APBB2: variants seen among roughly 807,000 people sequenced by gnomAD.
APBB2 encodes Fe65-like 1.
APBB2 carries 38 observed loss-of-function variants against 82.5 expected under a neutral mutation model. That is an observed-to-expected ratio of 0.46 (90% CI 0.36 to 0.60). The LOEUF is 0.60. Among genes scored for constraint, APBB2 ranks in the 20% least tolerant of loss-of-function variants. The pLI is 0.00. For missense variants in APBB2, 772 were observed against 972.3 expected, an observed-to-expected ratio of 0.79 and a Z score of 2.74; for synonymous variants, 341 against 368.2, an observed-to-expected ratio of 0.93 and a Z score of 0.85.
chr4:41,188,745 C>T (rs909254112), intron 1 of APBB2, among the ~76,000 whole-genome samples: 2 of 152,050 alleles, frequency 1.3e-5, no homozygotes, highest in Non-Finnish European at 2.9e-5. Flanking sequence ...CAGTTCTAAC[C>T]GGGTTAAAAG....
At chr4:41,161,582 G>C (rs1765182325) in intron 1 of APBB2, among the ~76,000 whole-genome samples, 1 of 152,044 alleles carries the variant, frequency 6.6e-6, no homozygotes, top group Non-Finnish European at 1.5e-5. Flanking sequence ...CTCCAGCCTG[G>C]GTGACAAAGC....
At chr4:41,165,829 G>A (rs1042373868) in intron 1 of APBB2, among the ~76,000 whole-genome samples, 7 of 150,522 alleles carry the variant, frequency 4.7e-5, no homozygotes, top group African/African-American at 1.2e-4. Flanking sequence ...CCACCTGCTC[G>A]CTTCCTCCCC....
chr4:41,128,745 C>T (rs1357858062), intron 2 of APBB2, among the ~76,000 whole-genome samples: 4 of 152,206 alleles, frequency 2.6e-5, no homozygotes, highest in African/African-American at 9.6e-5. Context: ...CACATCACTT[C>T]CCCTACTGTC....
At chr4:40,940,245 G>A (rs181318640) in intron 7 of APBB2, among the ~76,000 whole-genome samples, 5 of 152,270 alleles carry the variant, frequency 3.3e-5, no homozygotes, top group African/African-American at 9.6e-5. Flanking sequence ...AATGGGGTGA[G>A]GCCAAATAAT....
intron 10 of APBB2, among the ~76,000 whole-genome samples, chr4:40,933,687 T>C (rs1784755718): frequency 1.3e-5 from 2 of 152,130 alleles, no homozygotes; most frequent in African/African-American, 4.8e-5. Flanking sequence ...TGGCAGGGCC[T>C]GAGATGCCGG....
chr4:41,089,997 A>G (rs745642862), intron 3 of APBB2, among the ~76,000 whole-genome samples: 36 of 152,182 alleles, frequency 2.4e-4, no homozygotes, highest in Non-Finnish European at 4.0e-4. Context: ...ATGTATATGA[A>G]CTATAATGGC....
At chr4:40,855,197 C>T (rs1331224866) in intron 12 of APBB2, among the ~76,000 whole-genome samples, 1 of 152,164 alleles carries the variant, frequency 6.6e-6, no homozygotes, top group Non-Finnish European at 1.5e-5. Flanking sequence ...CACACTGCTT[C>T]CCAGGGATGC....
At chr4:41,057,559 T>C (rs562612113) in intron 4 of APBB2, among the ~76,000 whole-genome samples, 1 of 152,378 alleles carries the variant, frequency 6.6e-6, no homozygotes, top group East Asian at 1.9e-4. Flanking sequence ...AACAACAAAC[T>C]GACCTATCTT....
At chr4:40,837,288 T>C (rs1754273084) in intron 12 of APBB2, among the ~76,000 whole-genome samples, 1 of 152,188 alleles carries the variant, frequency 6.6e-6, no homozygotes, top group Non-Finnish European at 1.5e-5. Context: ...GGCTGGCTGG[T>C]CCACTGCAGG....
At chr4:41,181,000 G>A (rs1771181282) in intron 1 of APBB2, among the ~76,000 whole-genome samples, 1 of 152,064 alleles carries the variant, frequency 6.6e-6, no homozygotes, top group East Asian at 1.9e-4. Flanking sequence ...AACAGAATAG[G>A]TGCTCTCTTC....
chr4:40,936,073 A>G (rs1785306091), intron 7 of APBB2, among the ~76,000 whole-genome samples: 2 of 152,250 alleles, frequency 1.3e-5, no homozygotes, highest in Admixed American at 6.5e-5. Flanking sequence ...ATCTGTTTGT[A>G]TAAGAAATCA....
intron 6 of APBB2, among the ~76,000 whole-genome samples, chr4:40,952,798 G>A (rs1790565699): frequency 6.6e-6 from 1 of 152,172 alleles, no homozygotes; most frequent in Non-Finnish European, 1.5e-5. Context: ...TGTTATAAAA[G>A]CTAGTAACAG....
chr4:41,087,046 G>A (rs1036185298), intron 3 of APBB2, among the ~76,000 whole-genome samples: 22 of 152,110 alleles, frequency 1.4e-4, no homozygotes, highest in Non-Finnish European at 1.2e-4. Context: ...ACGCTGAGGC[G>A]GGAGGATCAC....
At chr4:41,092,177 A>T (rs1247595732) in intron 3 of APBB2, among the ~76,000 whole-genome samples, 2 of 152,252 alleles carry the variant, frequency 1.3e-5, no homozygotes, top group Non-Finnish European at 2.9e-5. Flanking sequence ...TCAAAGGAGG[A>T]GTTTAACATC....
At chr4:41,151,703 T>C (rs1460449752) in intron 1 of APBB2, among the ~76,000 whole-genome samples, 1 of 152,196 alleles carries the variant, frequency 6.6e-6, no homozygotes, top group Admixed American at 6.5e-5. Context: ...CCATTGTTGC[T>C]GTTGGGAAGT....
rs1800819112 is a variant in APBB2 at position 40,987,934 on chromosome 4, A to T, written c.835+25649T>A. ...TGCTAAGATTTCATGGTCTTCCACC[A>T]TATTAAAATGAGATTTTTATATTCA... On this transcript the variant is annotated intron_variant, in intron 6 of 17. Coordinates refer to ENST00000508593, the MANE Select transcript of APBB2 (RefSeq NM_004307.2). Among the ~76,000 whole-genome samples the T allele has an allele frequency of 2.0e-5, 3 of 152,220 alleles. No homozygotes were observed. The South Asian group carries it at 6.2e-4, about 32-fold the overall frequency.
intron 4 of APBB2, among the ~76,000 whole-genome samples, chr4:41,055,008 G>A (rs1419394640): frequency 6.6e-6 from 1 of 151,918 alleles, no homozygotes; most frequent in Non-Finnish European, 1.5e-5. Context: ...CCTTACCAAG[G>A]CCCTCCACTC....
At chr4:40,874,683 T>C (rs916570007) in intron 12 of APBB2, among the ~76,000 whole-genome samples, 1 of 152,188 alleles carries the variant, frequency 6.6e-6, no homozygotes, top group Non-Finnish European at 1.5e-5. Context: ...CAATAATATG[T>C]CTTCTGCTCA....
intron 4 of APBB2, 68 bp downstream of exon 4, chr4:41,065,508 A>C (rs1321226111): frequency 6.6e-6 from 1 of 152,038 alleles, no homozygotes; most frequent in Admixed American, 6.6e-5. Flanking sequence ...CCAATTCAGT[A>C]CTCTTGTGAT....
Sources: allele counts gnomAD v4.1 joint callset (sites outside exome capture counted in the v4.1 genomes callset), GRCh38; gene constraint gnomAD v4.1.1; transcripts MANE v1.5; gene names NCBI Gene and HGNC (gene_info 2026-07-23, HGNC 2026-07-21).